The following LRP1B variants were observed in gnomAD, a reference collection of about 807,000 sequenced individuals.
The protein encoded by LRP1B is low-density lipoprotein receptor-related protein 1B.
Under a neutral mutation model 556.6 loss-of-function variants are expected in LRP1B, and 217 were observed. The ratio of observed to expected loss-of-function variants is 0.39; its 90% CI spans 0.35 to 0.44. LRP1B has a LOEUF of 0.44. LRP1B is among the 20% of genes least tolerant of loss of function. LRP1B has a pLI of 1.00. For missense variants in LRP1B, 5,053 were observed against 5,620.8 expected, an observed-to-expected ratio of 0.90 and a Z score of 3.23; for synonymous variants, 2,047 against 1,865.8, an observed-to-expected ratio of 1.10 and a Z score of -2.50.
rs70991157 is a variant in LRP1B at position 141,315,882 on chromosome 2, C to CTTTTTTTTTTTTTT, written c.344-61255_344-61242dup. Among the ~76,000 whole-genome samples the CTTTTTTTTTTTTTT allele has an allele frequency of 3.9e-4, 7 of 18,140 alleles. 1 individual carries two copies. Among genetic ancestry groups the CTTTTTTTTTTTTTT allele is most frequent in the African/African-American group, 4.7e-4 (2 of 4,224 alleles). 11.9% of individuals were successfully genotyped at this position (18,140 alleles called of 152,430 possible). On this transcript the variant is annotated intron_variant, in intron 3 of 90. Coordinates refer to ENST00000389484, the MANE Select transcript of LRP1B (RefSeq NM_018557.3). Reference sequence around the variant, plus strand: ...GAAAATCCTCTATCTTTAGTCTGGTCTTTTTTTTTTTTTTTTTTTTTTTTT... The same window carrying CTTTTTTTTTTTTTT: ...GAAAATCCTCTATCTTTAGTCTGGTCTTTTTTTTTTTTTTTTTTTTTTTTTTTTTTTTTTTTTTT...
At chr2:140,679,413 A>G (rs1459103658) in intron 41 of LRP1B, among the ~76,000 whole-genome samples, 14 of 152,218 alleles carry the variant, frequency 9.2e-5, no homozygotes, top group Admixed American at 6.5e-5. Flanking sequence ...AGCAGGTTTT[A>G]TACTTTCCTC....
chr2:141,792,299 A>T (rs961943408), intron 2 of LRP1B, among the ~76,000 whole-genome samples: 3 of 152,010 alleles, frequency 2.0e-5, no homozygotes, highest in Non-Finnish European at 2.9e-5. Flanking sequence ...TCAGACCCAT[A>T]CTTTTGACAT....
At chr2:141,722,546 A>G (rs762113649) in intron 2 of LRP1B, among the ~76,000 whole-genome samples, 13 of 152,190 alleles carry the variant, frequency 8.5e-5, no homozygotes, top group Non-Finnish European at 1.2e-4. Flanking sequence ...TTCTATGTAG[A>G]ATAATAAATG....
chr2:141,042,161 T>A (rs751185693), intron 11 of LRP1B, among the ~76,000 whole-genome samples: 1 of 152,080 alleles, frequency 6.6e-6, no homozygotes, highest in Non-Finnish European at 1.5e-5. Context: ...TTCAAGGATG[T>A]TAATAAGGTA....
intron 1 of LRP1B, among the ~76,000 whole-genome samples, chr2:141,952,366 C>G (rs1224192555): frequency 1.3e-5 from 2 of 152,058 alleles, no homozygotes; most frequent in Non-Finnish European, 2.9e-5. Context: ...GGTATATACC[C>G]AGTAATGGGA....
chr2:142,100,629 G>A (rs1234740205), intron 1 of LRP1B, among the ~76,000 whole-genome samples: 3 of 151,972 alleles, frequency 2.0e-5, no homozygotes, highest in Non-Finnish European at 4.4e-5. Flanking sequence ...TTGGAGGCCA[G>A]ATTGCATTTT....
chr2:141,589,814 C>T (rs1687272821), intron 2 of LRP1B, among the ~76,000 whole-genome samples: 2 of 152,032 alleles, frequency 1.3e-5, no homozygotes, highest in South Asian at 4.2e-4. Context: ...ACTACCACAT[C>T]CTCTTTGGGT....
intron 37 of LRP1B, among the ~76,000 whole-genome samples, chr2:140,712,743 G>C (rs1181174103): frequency 6.6e-6 from 1 of 151,762 alleles, no homozygotes; most frequent in Non-Finnish European, 1.5e-5. Flanking sequence ...TTTGGCTTCT[G>C]TCCTTACTCA....
chr2:142,085,358 T>C (rs1400566856), intron 1 of LRP1B, among the ~76,000 whole-genome samples: 1 of 152,186 alleles, frequency 6.6e-6, no homozygotes, highest in Non-Finnish European at 1.5e-5. Flanking sequence ...TTGTACTATT[T>C]GTATAACTTT....
At chr2:141,480,994 T>G (rs1682900378) in intron 2 of LRP1B, among the ~76,000 whole-genome samples, 1 of 152,198 alleles carries the variant, frequency 6.6e-6, no homozygotes, top group South Asian at 2.1e-4. Flanking sequence ...TGAAGTTATG[T>G]CAATCTAAAG....
intron 2 of LRP1B, among the ~76,000 whole-genome samples, chr2:141,779,663 C>T (rs952081434): frequency 1.3e-5 from 2 of 151,922 alleles, no homozygotes; most frequent in Non-Finnish European, 2.9e-5. Context: ...CATGCCAATA[C>T]TACATACTTT....
chr2:141,586,448 A>G (rs932362475), intron 2 of LRP1B, among the ~76,000 whole-genome samples: 7 of 152,212 alleles, frequency 4.6e-5, no homozygotes, highest in Admixed American at 4.6e-4. Context: ...TTGGTCCAGT[A>G]CAAGCTGTGC....
intron 1 of LRP1B, among the ~76,000 whole-genome samples, chr2:141,920,284 G>C (rs1304993393): frequency 8.1e-6 from 1 of 122,796 alleles, no homozygotes; most frequent in Admixed American, 8.5e-5. Context: ...TTTTTTGGGG[G>C]GGGGTGGTAG....
intron 3 of LRP1B, among the ~76,000 whole-genome samples, chr2:141,266,610 CAG>C (rs1245418519): frequency 6.6e-6 from 1 of 152,088 alleles, no homozygotes; most frequent in East Asian, 1.9e-4. Flanking sequence ...AGAAATCACT[CAG>C]AGAAAGAGCC....
intron 86 of LRP1B, among the ~76,000 whole-genome samples, chr2:140,261,783 T>C (rs892864232): frequency 1.3e-5 from 2 of 151,966 alleles, no homozygotes; most frequent in Non-Finnish European, 2.9e-5. Context: ...AAAGTATATT[T>C]ACATGAAGGA....
intron 41 of LRP1B, among the ~76,000 whole-genome samples, chr2:140,650,899 C>G (rs1433005835): frequency 6.6e-6 from 1 of 151,988 alleles, no homozygotes; most frequent in Non-Finnish European, 1.5e-5. Flanking sequence ...AAGCAGTGAG[C>G]CTCTTTAGCC....
At chr2:140,380,953 C>G (rs1367830214) in intron 67 of LRP1B, among the ~76,000 whole-genome samples, 1 of 152,022 alleles carries the variant, frequency 6.6e-6, no homozygotes, top group Non-Finnish European at 1.5e-5. Context: ...AAAAGCTTTT[C>G]CAGGGAAAGT....
intron 3 of LRP1B, among the ~76,000 whole-genome samples, chr2:141,413,179 G>C (rs752248786): frequency 8.5e-5 from 13 of 152,220 alleles, no homozygotes; most frequent in Admixed American, 6.5e-5. Flanking sequence ...GGGAGCTACA[G>C]TTGCAACACT....
chr2:140,867,890 G>A (rs2105154779), intron 26 of LRP1B, 56 bp from the exon 27 acceptor site: 2 of 1,456,516 alleles, frequency 1.4e-6, no homozygotes, highest in Non-Finnish European at 1.8e-6. Context: ...CTAGTCCAGA[G>A]ACATAATCAT....
Sources: gnomAD v4.1 joint callset for allele counts (sites outside exome capture counted in the v4.1 genomes callset) on GRCh38, gnomAD v4.1.1 for gene constraint, MANE v1.5 for transcripts, NCBI Gene and HGNC (gene_info 2026-07-23, HGNC 2026-07-21) for gene names.